Variants in ADAM18 observed in about 807,000 individuals in gnomAD.
ADAM18 encodes disintegrin and metalloproteinase domain-containing protein 18.
ADAM18 carries 117 observed loss-of-function variants against 94.4 expected under a neutral mutation model. The observed-to-expected ratio is 1.24, with a 90% CI of 1.07 to 1.45. The LOEUF is 1.45. Ranked by LOEUF, ADAM18 falls within the 40% of genes most tolerant of loss-of-function variation. The pLI is 0.00. For synonymous variants in ADAM18, 327 were observed against 291.6 expected, an observed-to-expected ratio of 1.12 and a Z score of -1.24; for missense variants, 936 against 880.0, an observed-to-expected ratio of 1.06 and a Z score of -0.81.
chr8:39,638,591 A>G, intron 10 of ADAM18, 45 bp downstream of exon 10: 1 of 1,210,564 alleles, frequency 8.3e-7, no homozygotes, highest in Non-Finnish European at 1.1e-6. Flanking sequence ...TTTAGGCCTT[A>G]TATTATATTT....
intron 1 of ADAM18, among the ~76,000 whole-genome samples, chr8:39,585,012 C>A (rs1039711171): frequency 2.6e-5 from 4 of 152,152 alleles, no homozygotes; most frequent in African/African-American, 4.8e-5. Context: ...GGAAGCAAGT[C>A]TCTCATCGAT....
chr8:39,617,557 A>C (rs762984257), intron 6 of ADAM18, among the ~76,000 whole-genome samples: 1 of 152,218 alleles, frequency 6.6e-6, no homozygotes, highest in East Asian at 1.9e-4. Context: ...TCATAGTACT[A>C]TTCACAGTAG....
At position 39,606,350 on chromosome 8, in the gene ADAM18, A is replaced by G. The variant is rs753962570; in HGVS notation, c.176A>G (p.His59Arg). 3 of 1,554,570 alleles carry G rather than the reference A, an allele frequency of 1.9e-6. No homozygotes were observed. The highest frequency in any genetic ancestry group is 2.6e-6 in the Non-Finnish European group (3 of 1,144,506). Residue 59 changes from histidine (H) to arginine (R), a missense_variant, in exon 3 of 20, where the codon CAT (histidine) becomes CGT (arginine). Physicochemically the swap from His to Arg is conservative, Grantham distance 29. Coordinates refer to ENST00000265707, the MANE Select transcript of ADAM18 (RefSeq NM_014237.3). ...ITIDGQPYTL[H>R]LGKQSFLPQN... is the part of the protein sequence containing the mutation. ...ATTGATGGACAACCTTACACTCTACATCTCGGAAAACAGTAAGATATGATT... is the reference window on the plus strand; with the variant it reads ...ATTGATGGACAACCTTACACTCTACGTCTCGGAAAACAGTAAGATATGATT...
intron 17 of ADAM18, among the ~76,000 whole-genome samples, chr8:39,697,289 A>G (rs1821952485): frequency 6.6e-6 from 1 of 151,634 alleles, no homozygotes; most frequent in Admixed American, 6.6e-5. Context: ...TTTTCTACAT[A>G]TAAGACTACA....
chr8:39,610,961 T>C, intron 6 of ADAM18: 1 of 1,216,072 alleles, frequency 8.2e-7, no homozygotes, highest in Non-Finnish European at 1.0e-6. Flanking sequence ...ATTGAAAAAG[T>C]TTAGAAATGC....
intron 6 of ADAM18, among the ~76,000 whole-genome samples, chr8:39,622,856 A>G (rs1819653165): frequency 6.6e-6 from 1 of 152,080 alleles, no homozygotes; most frequent in South Asian, 2.1e-4. Context: ...TTTCCAGGTT[A>G]CCAGTCTGTA....
chr8:39,639,323 C>G (rs1328970458), intron 10 of ADAM18, among the ~76,000 whole-genome samples: 1 of 151,944 alleles, frequency 6.6e-6, no homozygotes, highest in African/African-American at 2.4e-5. Flanking sequence ...TTTAATTTTA[C>G]TTCTTTTTGA....
intron 6 of ADAM18, among the ~76,000 whole-genome samples, chr8:39,617,673 T>G (rs189837812): frequency 6.6e-6 from 1 of 152,174 alleles, no homozygotes; most frequent in Non-Finnish European, 1.5e-5. Flanking sequence ...AATACTGAAA[T>G]TATGTTCTGT....
chr8:39,677,634 T>C (rs967398013), intron 15 of ADAM18, 98 bp downstream of exon 15: 2 of 776,564 alleles, frequency 2.6e-6, no homozygotes, highest in East Asian at 6.2e-5. Context: ...TTTTATAACA[T>C]GGGAATATTT....
chr8:39,663,684 T>C (rs1820911189), intron 12 of ADAM18, 111 bp from the exon 13 acceptor site: 1 of 640,826 alleles, frequency 1.6e-6, no homozygotes, highest in South Asian at 1.9e-5. Flanking sequence ...ACAATTATAT[T>C]GTATAACTAC....
At chr8:39,687,167 C>T (rs946691770) in intron 16 of ADAM18, among the ~76,000 whole-genome samples, 4 of 152,152 alleles carry the variant, frequency 2.6e-5, no homozygotes, top group African/African-American at 7.2e-5. Context: ...ATAGGAAGTT[C>T]TTGTGCTACT....
At chr8:39,658,743 G>A (rs997714876) in intron 12 of ADAM18, among the ~76,000 whole-genome samples, 3 of 152,124 alleles carry the variant, frequency 2.0e-5, no homozygotes, top group Non-Finnish European at 4.4e-5. Flanking sequence ...TGGTTTCTTA[G>A]TTTACCACTG....
At chr8:39,625,195 T>C (rs1192161220) in intron 6 of ADAM18, among the ~76,000 whole-genome samples, 1 of 152,220 alleles carries the variant, frequency 6.6e-6, no homozygotes, top group Non-Finnish European at 1.5e-5. Context: ...TTTCCAGTTT[T>C]TTCTGCTATC....
chr8:39,727,303 C>T (rs1377422169), intron 19 of ADAM18, among the ~76,000 whole-genome samples: 2 of 152,194 alleles, frequency 1.3e-5, no homozygotes, highest in Admixed American at 6.5e-5. Context: ...TTGAATTCCT[C>T]TCCTTTCAAA....
chr8:39,648,469 C>G lies in ADAM18; in HGVS notation c.1172C>G (p.Pro391Arg), dbSNP rs745492227. ...TTGCAACCATTACATCAAAATCAAC[C>G]AGTGTGTGGTAATGGGATTTTGGAA... The part of the protein sequence containing the change: ...SNLQPLHQNQ[P>R]VCGNGILESN... The change falls in exon 12 of 20, where the codon CCA becomes CGA. Residue 391 changes from proline (P) to arginine (R), a missense_variant. Transcript: ENST00000265707. The G allele has an allele frequency of 1.9e-6, 3 of 1,612,708 alleles. No homozygotes were observed. The highest frequency in any genetic ancestry group is 8.5e-7 in the Non-Finnish European group (1 of 1,179,448).
At chr8:39,655,384 T>C (rs1820657689) in intron 12 of ADAM18, among the ~76,000 whole-genome samples, 1 of 152,162 alleles carries the variant, frequency 6.6e-6, no homozygotes, top group Non-Finnish European at 1.5e-5. Context: ...ATACAACATA[T>C]ACATAAACAG....
chr8:39,610,506 T>A (rs1819239697), intron 5 of ADAM18, 23 bp from the exon 6 acceptor site: 1 of 1,577,482 alleles, frequency 6.3e-7, no homozygotes, highest in African/African-American at 1.4e-5. Flanking sequence ...ATAACTATTT[T>A]CTTATGCCTT....
At chr8:39,684,884 A>T (rs1232468969) in intron 16 of ADAM18, among the ~76,000 whole-genome samples, 2 of 152,078 alleles carry the variant, frequency 1.3e-5, no homozygotes, top group African/African-American at 4.8e-5. Flanking sequence ...TAGATTCTAG[A>T]CATTGTATGA....
At chr8:39,591,527 T>A (rs1046867501) in intron 2 of ADAM18, among the ~76,000 whole-genome samples, 1 of 152,204 alleles carries the variant, frequency 6.6e-6, no homozygotes, top group African/African-American at 2.4e-5. Flanking sequence ...TCCTCATCGA[T>A]TCAAGTTTTA....
Sources: allele counts gnomAD v4.1 joint callset (sites outside exome capture counted in the v4.1 genomes callset), GRCh38; gene constraint gnomAD v4.1.1; transcripts MANE v1.5; gene names NCBI Gene and HGNC (gene_info 2026-07-23, HGNC 2026-07-21).